The following GIT1 variants were observed in gnomAD, a reference collection of about 807,000 sequenced individuals.
GIT1 encodes the protein GIT ArfGAP 1, also known as ARF GTPase-activating protein GIT1.
In GIT1, 14 loss-of-function variants were observed where a neutral mutation model predicts 91.7. That is an observed-to-expected ratio of 0.15 (90% CI 0.10 to 0.24). The LOEUF is 0.24. GIT1 is among the 10% of genes least tolerant of loss of function. The probability of loss-of-function intolerance (pLI) is 1.00; values close to 1 mark genes in which losing one functional copy is unlikely to be tolerated. For missense variants in GIT1, 717 were observed against 1,024.9 expected (o/e 0.70, Z 4.10); for synonymous variants, 414 against 418.2 (o/e 0.99, Z 0.12).
At chr17:29,584,959 CTTTTTTTTTT>C (rs11419578) in intron 1 of GIT1, among the ~76,000 whole-genome samples, 1 of 102,416 alleles carries the variant, frequency 9.8e-6, no homozygotes, top group African/African-American at 3.8e-5. Flanking sequence ...TGGGTTTAGG[CTTTTTTTTTT>C]TTTTTTTTTT....
rs147854209 is a variant in GIT1, at chr17:29,578,541, G to A, written c.811-170C>T. On this transcript the variant is annotated intron_variant, in intron 8 of 19. Coordinates refer to ENST00000225394, the MANE Select transcript of GIT1 (RefSeq NM_014030.4). Reference sequence around the variant, plus strand: ...AAGGGATCATGTTCCAAACTCCAAGGTGGGAGAGAAGGGACCAGTCCATCC... The same window carrying A: ...AAGGGATCATGTTCCAAACTCCAAGATGGGAGAGAAGGGACCAGTCCATCC... Among the ~76,000 whole-genome samples the A allele has an allele frequency of 3.3e-5, 5 of 152,344 alleles. No individual in the cohort carries two copies. In the East Asian group the frequency reaches 9.6e-4, roughly 29 times the overall value.
Position 29,575,280 on chromosome 17 carries a change from C to T in GIT1, c.2009+8G>A. 1 of 1,609,006 alleles carries T rather than the reference C, an allele frequency of 6.2e-7. No individual in the cohort carries two copies. The highest frequency in any genetic ancestry group is 8.5e-7 in the Non-Finnish European group (1 of 1,177,532). On this transcript the variant is annotated splice_region_variant and intron_variant, in intron 18 of 19. Transcript: ENST00000225394. The surrounding 1 kb of genome is among the most constrained non-coding windows in gnomAD (Gnocchi z 5.5). ...TGCATCCCCCTCACCTCCCCCTCCA[C>T]TCAGTACCTGTCATGCTTGAACTCC...
Position 29,577,123 on chromosome 17 carries a change from A to G in GIT1, c.1093+13T>C, listed in dbSNP as rs368101072. 1.6e-5 allele frequency: 26 copies of G among 1,611,468 alleles called. No individual in the cohort carries two copies. Among genetic ancestry groups the G allele is most frequent in the Non-Finnish European group, 2.0e-5 (24 of 1,178,184 alleles). ...CCGCCTGCTTCCCACACCCTCCCAC[A>G]CAACCCTCCCACCTGTGGGGCTGCT... On this transcript the variant is annotated intron_variant, in intron 11 of 19. Coordinates refer to ENST00000225394, the MANE Select transcript of GIT1 (RefSeq NM_014030.4).
Position 29,589,220 on chromosome 17 carries a change from C to G in GIT1, c.52+107G>C, listed in dbSNP as rs1440844336. The G allele has an allele frequency of 3.2e-6, 1 of 307,718 alleles. No homozygotes were observed. Among genetic ancestry groups the G allele is most frequent in the Admixed American group, 6.4e-5 (1 of 15,626 alleles). 19.1% of individuals were successfully genotyped at this position (307,718 alleles called of 1,614,324 possible). On this transcript the variant is annotated intron_variant, in intron 1 of 19. Coordinates refer to ENST00000225394, the MANE Select transcript of GIT1 (RefSeq NM_014030.4). The surrounding 1 kb of genome is among the most constrained non-coding windows in gnomAD (Gnocchi z 5.2). Reference sequence around the variant, plus strand: ...GGCCCAGCCTGGAGGCCGCAGCCCCCCGCCCCGCCCAGCCCTCCGGCCCCG... The same window carrying G: ...GGCCCAGCCTGGAGGCCGCAGCCCCGCGCCCCGCCCAGCCCTCCGGCCCCG...
chr17:29,576,744 T>A, intron 12 of GIT1, 70 bp from the exon 13 acceptor site: 2 of 1,599,288 alleles, frequency 1.3e-6, no homozygotes, highest in Non-Finnish European at 1.7e-6. Flanking sequence ...GGGCAGTTAT[T>A]GAGGCTAGGA....
Position 29,575,387 on chromosome 17 carries a change from G to A in GIT1, c.1910C>T (p.Pro637Leu), listed in dbSNP as rs2033154771. The A allele has an allele frequency of 1.9e-6, 3 of 1,613,718 alleles. No homozygotes were observed. The highest frequency in any genetic ancestry group is 3.3e-5 in the Admixed American group (2 of 60,002). Residue 637 changes from proline (P) to leucine (L), a missense_variant, in exon 18 of 20, where the codon CCT (proline) becomes CTT (leucine). Transcript: ENST00000225394. This position sits in a 1 kb window ranked among gnomAD's most constrained non-coding sequence, Gnocchi z 5.5. ...ELESLDGDLDPGLPSTEDVIL... is the reference protein window; with the variant it reads ...ELESLDGDLDLGLPSTEDVIL... ...GACATCCTCTGTGCTGGGAAGCCCAGGATCTAGGTCTCCATCCAGGCTTTC... is the reference window on the plus strand; with the variant it reads ...GACATCCTCTGTGCTGGGAAGCCCAAGATCTAGGTCTCCATCCAGGCTTTC...
At chr17:29,578,954 C>A in intron 7 of GIT1, 175 bp from the exon 8 acceptor site, 1 of 1,613,596 alleles carries the variant, frequency 6.2e-7, no homozygotes, top group Non-Finnish European at 8.5e-7. Flanking sequence ...CCGGCAGGCA[C>A]CATATACCTC....
chr17:29,580,415 G>C (rs1047448737), intron 7 of GIT1, among the ~76,000 whole-genome samples: 17 of 152,182 alleles, frequency 1.1e-4, no homozygotes, highest in Non-Finnish European at 2.9e-5. Context: ...TTGGGGAGGA[G>C]AGCACCTCCT....
At chr17:29,586,053 A>G (rs570853057) in intron 1 of GIT1, among the ~76,000 whole-genome samples, 1 of 152,274 alleles carries the variant, frequency 6.6e-6, no homozygotes, top group Admixed American at 6.5e-5. Flanking sequence ...TAAGGGCCAG[A>G]TCTCCACTAG....
intron 9 of GIT1, among the ~76,000 whole-genome samples, chr17:29,578,073 G>A (rs972159439): frequency 6.6e-6 from 1 of 152,204 alleles, no homozygotes; most frequent in Non-Finnish European, 1.5e-5. Context: ...AGAGCAAGAG[G>A]AGCCCCAGTC....
chr17:29,574,336 T>G lies in GIT1; in HGVS notation c.*366A>C, dbSNP rs557945815. The G allele has an allele frequency of 2.6e-5, 7 of 266,674 alleles. No homozygotes were observed. Among genetic ancestry groups the G allele is most frequent in the East Asian group, 9.8e-5 (1 of 10,182 alleles). 16.5% of individuals were successfully genotyped at this position (266,674 alleles called of 1,614,324 possible). ...GTAGGGCTGAACTGGCTCATGGGGG[T>G]GGGGCGCATGTACGGAGAGCTGCCC... On this transcript the variant is annotated 3_prime_UTR_variant, in exon 20 of 20. Coordinates refer to ENST00000225394, the MANE Select transcript of GIT1 (RefSeq NM_014030.4).
intron 7 of GIT1, among the ~76,000 whole-genome samples, chr17:29,580,189 GTGCCAAGAGC>G: frequency 6.6e-6 from 1 of 152,244 alleles, no homozygotes; most frequent in Non-Finnish European, 1.5e-5. Context: ...TGTGCTCCCA[GTGCCAAGAGC>G]AGTAGCTGGC....
At chr17:29,577,096 C>T in intron 11 of GIT1, 40 bp downstream of exon 11, 24 of 1,606,282 alleles carry the variant, frequency 1.5e-5, no homozygotes, top group Non-Finnish European at 2.0e-5. Flanking sequence ...ACCCCTGGAG[C>T]CCCGCCTGCT....
rs1228410007 is a variant in GIT1, at chr17:29,576,079, CG to C, written c.1663del (p.Arg555GlyfsTer62). On this transcript the variant is annotated frameshift_variant and splice_region_variant, in exon 15 of 20. Transcript: ENST00000225394. LOFTEE classifies it high-confidence loss of function. ...TGGACACGCCTTCCCCAGGCTTACC[CG>C]GTAAAGGCCAGCAGGGACGTGCACT... ...YSVHVPAGLY[R>X]IRKGVSASAV... 1 of 1,613,554 alleles carries C rather than the reference CG, an allele frequency of 6.2e-7. No individual in the cohort carries two copies.
intron 4 of GIT1, 91 bp from the exon 5 acceptor site, chr17:29,582,235 T>C (rs1598574818): frequency 2.1e-6 from 2 of 969,984 alleles, no homozygotes; most frequent in East Asian, 2.6e-5. Flanking sequence ...CTGGGACACC[T>C]AGCAGCTCCA....
Position 29,576,548 on chromosome 17 carries a change from C to A in GIT1, c.1354G>T (p.Asp452Tyr), listed in dbSNP as rs768304367. ...TCTCGCTGCAGCCTCCGGAGCTCGT[C>A]GCTCAGGCTACTGTTGACCTTCATG... ...QLMKVNSSLS[D>Y]ELRRLQREIH... The change falls in exon 13 of 20, where the codon GAC (aspartate) becomes TAC (tyrosine). Residue 452 changes from aspartate (D) to tyrosine (Y), a missense_variant. By Grantham distance (160) the Asp-to-Tyr change is radical (BLOSUM62 -3). This residue lies in a region of GIT1 where 312 missense variants were observed against 349.5 expected (regional missense o/e 0.89). Transcript: ENST00000225394. 6.2e-7 allele frequency: 1 copy of A among 1,613,966 alleles called. No individual in the cohort carries two copies. Among genetic ancestry groups the A allele is most frequent in the African/African-American group, 1.3e-5 (1 of 75,038 alleles).
chr17:29,580,776 CTT>C (rs113414459), intron 7 of GIT1, among the ~76,000 whole-genome samples: 14 of 142,508 alleles, frequency 9.8e-5, no homozygotes, highest in Admixed American at 2.1e-4. Flanking sequence ...GTTTCTTTTT[CTT>C]TTTTTTTTTT....
Position 29,577,672 on chromosome 17 carries a change from G to A in GIT1, c.954C>T (p.Asn318=). 1.9e-6 allele frequency: 3 copies of A among 1,612,140 alleles called. No homozygotes were observed. Among genetic ancestry groups the A allele is most frequent in the Non-Finnish European group, 2.5e-6 (3 of 1,178,442 alleles). ...ERSAVPFLPV[N]PEYSATRNQG... is the part of the protein sequence containing the mutation. Reference sequence around the variant, plus strand: ...GATTCCGCGTGGCTGAGTATTCCGGGTTAACAGGCAGGAAGGGCACGGCAC... The same window carrying A: ...GATTCCGCGTGGCTGAGTATTCCGGATTAACAGGCAGGAAGGGCACGGCAC... Residue 318 remains asparagine (N), a synonymous_variant, in exon 10 of 20, where the codon AAC becomes AAT. Coordinates refer to ENST00000225394, the MANE Select transcript of GIT1 (RefSeq NM_014030.4).
Position 29,583,466 on chromosome 17 carries a change from C to T in GIT1, c.186+17G>A, listed in dbSNP as rs759700804. On this transcript the variant is annotated intron_variant, in intron 2 of 19. Transcript: ENST00000225394. ...CTGCCTGAGGGGAAGGAAGAACCAC[C>T]CGACTGAGCCCTGTACCTGCAGCAG... 3.1e-6 allele frequency: 5 copies of T among 1,609,500 alleles called. No homozygotes were observed. The highest frequency in any genetic ancestry group is 4.2e-6 in the Non-Finnish European group (5 of 1,178,964).
Sources: gnomAD v4.1 joint callset for allele counts (sites outside exome capture counted in the v4.1 genomes callset) on GRCh38, gnomAD v4.1.1 for gene constraint, gnomAD v4.1.1 regional missense constraint, Gnocchi (gnomAD v3.1) non-coding constraint, MANE v1.5 for transcripts, NCBI Gene and HGNC (gene_info 2026-07-23, HGNC 2026-07-21) for gene names.